The following PARM1 variants were observed in gnomAD, a reference collection of about 807,000 sequenced individuals.
The protein encoded by PARM1 is WSC4, cell wall integrity and stress response component 4 homolog.
In PARM1, 14 loss-of-function variants were observed where a neutral mutation model predicts 24.6. The ratio of observed to expected loss-of-function variants is 0.57; its 90% confidence interval spans 0.38 to 0.89. The LOEUF (loss-of-function observed/expected upper bound fraction) is 0.89, where lower values mean the gene tolerates loss of function less well. PARM1 is among the 40% of genes least tolerant of loss of function. The probability of loss-of-function intolerance (pLI) is 0.00; values close to 1 mark genes in which losing one functional copy is unlikely to be tolerated. For synonymous variants in PARM1, 179 were observed against 156.6 expected (o/e 1.14, Z -1.07); for missense variants, 362 against 380.4 (o/e 0.95, Z 0.40).
intron 1 of PARM1, among the ~76,000 whole-genome samples, chr4:74,952,824 A>G (rs1721552051): frequency 6.6e-6 from 1 of 152,208 alleles, no homozygotes. Flanking sequence ...ATGTGTGTGC[A>G]TATGTAAAAT....
chr4:74,982,970 G>GA (rs912626581), intron 1 of PARM1, among the ~76,000 whole-genome samples: 33 of 151,786 alleles, frequency 2.2e-4, no homozygotes, highest in Admixed American at 1.0e-3. Flanking sequence ...ACTGCAACAG[G>GA]AAAAAAAAGT....
chr4:74,945,080 C>T (rs960659928), intron 1 of PARM1, among the ~76,000 whole-genome samples: 5 of 152,058 alleles, frequency 3.3e-5, no homozygotes, highest in African/African-American at 9.7e-5. Context: ...ATGAAATGGT[C>T]CATGATGTAC....
chr4:75,026,185 AG>A, intron 2 of PARM1, among the ~76,000 whole-genome samples: 1 of 152,340 alleles, frequency 6.6e-6, no homozygotes, highest in East Asian at 1.9e-4. Context: ...AATAAAGTTC[AG>A]GTTTTTAAAA....
intron 1 of PARM1, among the ~76,000 whole-genome samples, chr4:74,948,889 G>A (rs770748008): frequency 6.6e-6 from 1 of 152,066 alleles, no homozygotes; most frequent in Non-Finnish European, 1.5e-5. Context: ...AGGCATGGTG[G>A]CAGGTGCCTG....
chr4:74,953,837 C>T (rs1262899010), intron 1 of PARM1, among the ~76,000 whole-genome samples: 1 of 152,146 alleles, frequency 6.6e-6, no homozygotes, highest in East Asian at 1.9e-4. Flanking sequence ...CTGAGGGAAG[C>T]AGGTGAGCCA....
chr4:74,988,571 G>A (rs1722403933), intron 1 of PARM1, among the ~76,000 whole-genome samples: 1 of 152,140 alleles, frequency 6.6e-6, no homozygotes, highest in African/African-American at 2.4e-5. Context: ...AAACTAACTG[G>A]TGCATCAGGC....
intron 2 of PARM1, among the ~76,000 whole-genome samples, chr4:75,018,210 A>AG (rs1723024727): frequency 6.6e-6 from 1 of 152,180 alleles, no homozygotes; most frequent in Admixed American, 6.5e-5. Context: ...CATATGGCAT[A>AG]GTGAGTAACC....
intron 1 of PARM1, among the ~76,000 whole-genome samples, chr4:74,943,127 G>A (rs537777259): frequency 9.9e-5 from 15 of 152,126 alleles, no homozygotes; most frequent in Middle Eastern, 3.4e-3. Flanking sequence ...TACCCTGACC[G>A]ACCTCTTAAA....
At chr4:75,020,711 C>T (rs1246456342) in intron 2 of PARM1, among the ~76,000 whole-genome samples, 1 of 152,186 alleles carries the variant, frequency 6.6e-6, no homozygotes, top group Non-Finnish European at 1.5e-5. Context: ...CCCTCGCTCT[C>T]TGCACCACCC....
chr4:75,036,333 T>C (rs368939303), intron 3 of PARM1, among the ~76,000 whole-genome samples: 6 of 152,322 alleles, frequency 3.9e-5, no homozygotes, highest in African/African-American at 1.2e-4. Flanking sequence ...CAGTCTAAAA[T>C]AGTGATTAAC....
intron 1 of PARM1, among the ~76,000 whole-genome samples, chr4:74,987,214 G>T (rs1232328985): frequency 6.6e-6 from 1 of 152,056 alleles, no homozygotes; most frequent in Non-Finnish European, 1.5e-5. Context: ...CACAAATACA[G>T]TTTCCTAGAG....
At chr4:75,043,539 C>T (rs1363033126) in intron 3 of PARM1, among the ~76,000 whole-genome samples, 4 of 152,138 alleles carry the variant, frequency 2.6e-5, no homozygotes, top group African/African-American at 7.2e-5. Context: ...GATAAAAATT[C>T]TGTGAGAAGT....
chr4:75,046,060 T>C (rs1305337919), intron 3 of PARM1, 103 bp from the exon 4 acceptor site: 1 of 717,908 alleles, frequency 1.4e-6, no homozygotes, highest in East Asian at 2.7e-5. Context: ...ACTTTCCCTC[T>C]CCCTGGCCCC....
At chr4:75,009,930 G>T (rs1419913186) in intron 1 of PARM1, among the ~76,000 whole-genome samples, 1 of 152,130 alleles carries the variant, frequency 6.6e-6, no homozygotes, top group Non-Finnish European at 1.5e-5. Flanking sequence ...ACGAAAATGA[G>T]CAAAGGGTAT....
intron 1 of PARM1, among the ~76,000 whole-genome samples, chr4:74,990,409 G>GGGA (rs1722443594): frequency 6.6e-6 from 1 of 152,122 alleles, no homozygotes; most frequent in African/African-American, 2.4e-5. Context: ...AGGAGGAAAA[G>GGGA]TTTTGCAGCT....
chr4:74,995,044 G>T (rs745647826), intron 1 of PARM1, among the ~76,000 whole-genome samples: 2 of 151,900 alleles, frequency 1.3e-5, no homozygotes, highest in Non-Finnish European at 2.9e-5. Flanking sequence ...AAAACTCCTC[G>T]CAAATTTAAA....
At chr4:74,998,692 A>C (rs1030554999) in intron 1 of PARM1, among the ~76,000 whole-genome samples, 9 of 152,178 alleles carry the variant, frequency 5.9e-5, no homozygotes, top group African/African-American at 2.2e-4. Flanking sequence ...GCTTTATGCT[A>C]TTCATATTTT....
intron 1 of PARM1, among the ~76,000 whole-genome samples, chr4:74,989,783 G>A (rs776762627): frequency 2.6e-5 from 4 of 152,100 alleles, no homozygotes; most frequent in Non-Finnish European, 4.4e-5. Flanking sequence ...CAGTCATCTC[G>A]TGAGCACACA....
At chr4:74,989,454 A>G (rs1722420153) in intron 1 of PARM1, among the ~76,000 whole-genome samples, 1 of 152,330 alleles carries the variant, frequency 6.6e-6, no homozygotes, top group Non-Finnish European at 1.5e-5. Context: ...GAACAGCCAA[A>G]TAAAGAGACG....
Sources: gnomAD v4.1 joint callset for allele counts (sites outside exome capture counted in the v4.1 genomes callset) on GRCh38, gnomAD v4.1.1 for gene constraint, MANE v1.5 for transcripts, NCBI Gene and HGNC (gene_info 2026-07-23, HGNC 2026-07-21) for gene names.